EBF3: variants seen among roughly 807,000 people sequenced by gnomAD.
The protein encoded by EBF3 is transcription factor COE3.
A neutral mutation model predicts 77.1 loss-of-function variants in EBF3; 18 were observed. That is an observed-to-expected ratio of 0.23 (90% CI 0.16 to 0.35). The LOEUF (loss-of-function observed/expected upper bound fraction) is 0.35, where lower values mean the gene tolerates loss of function less well. Ranked by LOEUF, EBF3 falls within the 10% of genes least tolerant of loss-of-function variation. The pLI, the probability that EBF3 is intolerant of heterozygous loss-of-function variation, is 1.00. For missense variants in EBF3, 558 were observed against 860.0 expected (o/e 0.65, Z 4.39); for synonymous variants, 350 against 343.5 (o/e 1.02, Z -0.21).
At chr10:129,957,133 TGGTGCAATGCACAAGATG>T in intron 6 of EBF3, 107 bp downstream of exon 6, 2 of 766,118 alleles carry the variant, frequency 2.6e-6, no homozygotes, top group Non-Finnish European at 4.3e-6. Context: ...GGACAACAAA[TGGTGCAATGCACAAGATG>T]GGCTCGACAC....
rs1308465159 is a variant in EBF3 at position 129,870,138 on chromosome 10, C to T, written c.782-2226G>A. 6.6e-6 allele frequency among the ~76,000 whole-genome samples: 1 copy of T among 152,124 alleles called. No individual in the cohort carries two copies. The highest frequency in any genetic ancestry group is 2.4e-5 in the African/African-American group (1 of 41,422). On this transcript the variant is annotated intron_variant, in intron 8 of 16. Transcript: ENST00000440978. This position sits in a 1 kb window ranked among gnomAD's most constrained non-coding sequence, Gnocchi z 4.4. ...CATCATCTCGGAATTTGTAGTGCTT[C>T]TCAGCGGAAAGAAAACACGGGCCTG...
chr10:129,954,606 G>A (rs951658980), intron 6 of EBF3, among the ~76,000 whole-genome samples: 28 of 152,268 alleles, frequency 1.8e-4, no homozygotes, highest in Non-Finnish European at 3.4e-4. Context: ...TCAACGTGCC[G>A]GGAGAGGCTC....
At chr10:129,881,427 C>T (rs1853200918) in intron 6 of EBF3, among the ~76,000 whole-genome samples, 1 of 152,102 alleles carries the variant, frequency 6.6e-6, no homozygotes, top group African/African-American at 2.4e-5. Context: ...GCTTTATTTA[C>T]TTGTTTCTCC....
chr10:129,865,557 G>C (rs1851948344), intron 10 of EBF3, among the ~76,000 whole-genome samples: 1 of 152,182 alleles, frequency 6.6e-6, no homozygotes, highest in South Asian at 2.1e-4. Flanking sequence ...GGCAGGCACT[G>C]CCTCTCCCAT....
intron 11 of EBF3, among the ~76,000 whole-genome samples, chr10:129,844,686 G>A (rs1297997473): frequency 6.6e-6 from 1 of 151,994 alleles, no homozygotes; most frequent in African/African-American, 2.4e-5. Flanking sequence ...AAAGTTCCCG[G>A]ATGGGTGGCT....
chr10:129,917,672 A>C (rs923835132), intron 6 of EBF3, among the ~76,000 whole-genome samples: 2 of 149,972 alleles, frequency 1.3e-5, no homozygotes, highest in Non-Finnish European at 3.0e-5. Context: ...AAAAAAAAAA[A>C]AAAAAAACTA....
chr10:129,898,313 TC>T (rs1177887081), intron 6 of EBF3, among the ~76,000 whole-genome samples: 2 of 152,118 alleles, frequency 1.3e-5, no homozygotes, highest in Non-Finnish European at 2.9e-5. Flanking sequence ...TAATACGGGG[TC>T]CCGGGTTTAC....
intron 15 of EBF3, 80 bp downstream of exon 15, chr10:129,840,165 A>G: frequency 6.8e-7 from 1 of 1,468,690 alleles, no homozygotes; most frequent in Non-Finnish European, 9.1e-7. Context: ...GCCAGGAGAA[A>G]GGCCGAGCCC....
At chr10:129,922,047 G>A (rs1041377162) in intron 6 of EBF3, among the ~76,000 whole-genome samples, 1 of 152,224 alleles carries the variant, frequency 6.6e-6, no homozygotes, top group African/African-American at 2.4e-5. Flanking sequence ...ATAGGCTCAT[G>A]AGGGCTGAGC....
chr10:129,858,974 A>T (rs764049380), intron 10 of EBF3, among the ~76,000 whole-genome samples: 5 of 152,176 alleles, frequency 3.3e-5, no homozygotes, highest in African/African-American at 4.8e-5. Context: ...TCCTATCTCA[A>T]CGGGAGCTTC....
At position 129,951,846 on chromosome 10, in the gene EBF3, T is replaced by A. The variant is rs563130588; in HGVS notation, c.554+5412A>T. On this transcript the variant is annotated intron_variant, in intron 6 of 16. Transcript: ENST00000440978. ...GCGCCTCCCTCTTTAAATGAAAGCA[T>A]GCCATTGTGCCTCCATAATGCAGCT... Among the ~76,000 whole-genome samples the A allele has an allele frequency of 6.6e-5, 10 of 152,370 alleles. No individual in the cohort carries two copies. In the East Asian group the frequency reaches 1.9e-3, roughly 29 times the overall value.
chr10:129,887,791 T>C (rs1203498964), intron 6 of EBF3, among the ~76,000 whole-genome samples: 2 of 152,176 alleles, frequency 1.3e-5, no homozygotes, highest in Non-Finnish European at 2.9e-5. Context: ...GGTTCGCACA[T>C]GCCAGCCCCA....
At chr10:129,955,355 G>A (rs572470086) in intron 6 of EBF3, among the ~76,000 whole-genome samples, 15 of 152,126 alleles carry the variant, frequency 9.9e-5, no homozygotes, top group Non-Finnish European at 1.3e-4. Flanking sequence ...ATTTATGCCA[G>A]GCGTAAATGG....
intron 6 of EBF3, among the ~76,000 whole-genome samples, chr10:129,905,864 C>T (rs768435358): frequency 4.6e-5 from 7 of 152,192 alleles, no homozygotes; most frequent in Admixed American, 2.0e-4. Flanking sequence ...ATTAATGCAA[C>T]GCTCAGGCAC....
intron 10 of EBF3, among the ~76,000 whole-genome samples, chr10:129,857,854 A>T (rs1341209370): frequency 6.6e-6 from 1 of 152,204 alleles, no homozygotes; most frequent in Non-Finnish European, 1.5e-5. Context: ...TCCAGGTAGG[A>T]GAACACTGGG....
chr10:129,902,637 G>A (rs1193134437), intron 6 of EBF3, among the ~76,000 whole-genome samples: 2 of 152,166 alleles, frequency 1.3e-5, no homozygotes, highest in Non-Finnish European at 2.9e-5. Context: ...GTCTTACCTG[G>A]TGACAATGAC....
At chr10:129,927,162 C>A (rs1400222429) in intron 6 of EBF3, among the ~76,000 whole-genome samples, 1 of 152,180 alleles carries the variant, frequency 6.6e-6, no homozygotes, top group Non-Finnish European at 1.5e-5. Flanking sequence ...GGCTCCCGGG[C>A]GATGGGGACA....
At position 129,848,345 on chromosome 10, in the gene EBF3, A is replaced by C; in HGVS notation, c.1128+47T>G. 1.9e-6 allele frequency: 3 copies of C among 1,585,322 alleles called. No homozygotes were observed. Among genetic ancestry groups the C allele is most frequent in the Non-Finnish European group, 2.6e-6 (3 of 1,153,904 alleles). On this transcript the variant is annotated intron_variant, in intron 11 of 16. Transcript: ENST00000440978. This position sits in a 1 kb window ranked among gnomAD's most constrained non-coding sequence, Gnocchi z 4.4. Reference sequence around the variant, plus strand: ...GCTGCCCCCAAACCAGAACCAGCCCAGTGGCGGCCCCACCATGAGCGGGGT... The same window carrying C: ...GCTGCCCCCAAACCAGAACCAGCCCCGTGGCGGCCCCACCATGAGCGGGGT...
chr10:129,931,230 G>A lies in EBF3; in HGVS notation c.554+26028C>T, dbSNP rs568834825. 2.0e-5 allele frequency among the ~76,000 whole-genome samples: 3 copies of A among 152,290 alleles called. No individual in the cohort carries two copies. The South Asian group carries it at 6.2e-4, about 32-fold the overall frequency. On this transcript the variant is annotated intron_variant, in intron 6 of 16. Coordinates refer to ENST00000440978, the MANE Select transcript of EBF3 (RefSeq NM_001375380.1). ...TGGTTTTTTTGCCCTGGACAGGATAGCACTTAAAGAGAAGCAGAAAAGCAA... is the reference window on the plus strand; with the variant it reads ...TGGTTTTTTTGCCCTGGACAGGATAACACTTAAAGAGAAGCAGAAAAGCAA...
Sources: allele counts gnomAD v4.1 joint callset (sites outside exome capture counted in the v4.1 genomes callset), GRCh38; gene constraint gnomAD v4.1.1; non-coding constraint Gnocchi (gnomAD v3.1); transcripts MANE v1.5; gene names NCBI Gene and HGNC (gene_info 2026-07-23, HGNC 2026-07-21).